SRRM4: variants seen among roughly 807,000 people sequenced by gnomAD.
SRRM4 encodes the protein serine/arginine repetitive matrix protein 4.
A neutral mutation model predicts 68.9 loss-of-function variants in SRRM4; 33 were observed. That is an observed-to-expected ratio of 0.48 (90% CI 0.36 to 0.64). The LOEUF (loss-of-function observed/expected upper bound fraction) is 0.64. Among genes scored for constraint, SRRM4 ranks in the 30% least tolerant of loss-of-function variants. SRRM4 has a pLI of 0.00. For missense variants in SRRM4, 817 were observed against 827.1 expected, an observed-to-expected ratio of 0.99 and a Z score of 0.15; for synonymous variants, 318 against 318.8, an observed-to-expected ratio of 1.00 and a Z score of 0.03.
chr12:119,145,549 G>C lies in SRRM4; in HGVS notation c.940G>C (p.Gly314Arg). 6.2e-7 allele frequency: 1 copy of C among 1,606,828 alleles called. No homozygotes were observed. The highest frequency in any genetic ancestry group is 8.5e-7 in the Non-Finnish European group (1 of 1,176,258). The change falls in exon 9 of 13, where the codon GGG (glycine) becomes CGG (arginine). Residue 314 changes from glycine to arginine, a missense_variant. Coordinates refer to ENST00000267260, the MANE Select transcript of SRRM4 (RefSeq NM_194286.4). ...SRGQEKGSPSGGLSKSRELNS... is the reference protein window; with the variant it reads ...SRGQEKGSPSRGLSKSRELNS... Reference sequence around the variant, plus strand: ...GGGCCAGGAGAAGGGGAGCCCCAGTGGGGGCTTGAGCAAGAGCCGGGAGCT... The same window carrying C: ...GGGCCAGGAGAAGGGGAGCCCCAGTCGGGGCTTGAGCAAGAGCCGGGAGCT...
intron 1 of SRRM4, among the ~76,000 whole-genome samples, chr12:119,063,591 C>T (rs1347557688): frequency 2.0e-5 from 3 of 152,112 alleles, no homozygotes; most frequent in Non-Finnish European, 4.4e-5. Flanking sequence ...CACCATGGTA[C>T]CTAAATTCAA....
intron 1 of SRRM4, among the ~76,000 whole-genome samples, chr12:119,046,859 G>A (rs915023601): frequency 3.3e-5 from 5 of 151,740 alleles, no homozygotes; most frequent in South Asian, 4.2e-4. Flanking sequence ...GTGAAACCCC[G>A]TCTCTACTAA....
intron 1 of SRRM4, among the ~76,000 whole-genome samples, chr12:119,085,131 C>G (rs1229009605): frequency 6.6e-6 from 1 of 152,162 alleles, no homozygotes; most frequent in East Asian, 1.9e-4. Context: ...AAACTCCAGA[C>G]CTCAGGTGGA....
intron 6 of SRRM4, 94 bp downstream of exon 6, chr12:119,122,214 A>AGGGAAAGGG: frequency 1.3e-6 from 1 of 753,752 alleles, no homozygotes; most frequent in Non-Finnish European, 2.2e-6. Flanking sequence ...CCAAATAAAC[A>AGGGAAAGGG]GGGAAAGGGA....
intron 10 of SRRM4, 82 bp from the exon 11 acceptor site, chr12:119,153,457 C>A (rs1954451395): frequency 2.2e-6 from 2 of 909,890 alleles, no homozygotes; most frequent in Admixed American, 4.3e-5. Flanking sequence ...GCCCAGGGAC[C>A]CGCTGAATAA....
At chr12:119,112,092 A>G (rs1301002443) in intron 2 of SRRM4, among the ~76,000 whole-genome samples, 2 of 152,140 alleles carry the variant, frequency 1.3e-5, no homozygotes, top group Admixed American at 1.3e-4. Context: ...CATCCTGTTT[A>G]CACAAGCATC....
intron 2 of SRRM4, among the ~76,000 whole-genome samples, chr12:119,104,848 C>A (rs927676499): frequency 2.0e-5 from 3 of 151,604 alleles, no homozygotes; most frequent in Non-Finnish European, 4.4e-5. Context: ...ACTTCAAGTT[C>A]TAGGGTACAT....
intron 1 of SRRM4, among the ~76,000 whole-genome samples, chr12:119,014,317 A>G (rs1664234790): frequency 6.6e-6 from 1 of 151,972 alleles, no homozygotes; most frequent in African/African-American, 2.4e-5. Context: ...TAGAACAGAC[A>G]AAAAAAATTA....
chr12:119,099,210 C>T (rs942732569), intron 1 of SRRM4, among the ~76,000 whole-genome samples: 4 of 152,152 alleles, frequency 2.6e-5, no homozygotes, highest in Non-Finnish European at 4.4e-5. Context: ...TCTCAGCTCA[C>T]TGCAACCTCT....
At chr12:119,128,905 A>G (rs1463343543) in intron 7 of SRRM4, among the ~76,000 whole-genome samples, 3 of 152,226 alleles carry the variant, frequency 2.0e-5, no homozygotes, top group Admixed American at 6.5e-5. Flanking sequence ...TGGTGTTGGC[A>G]TCTGAGCTCC....
At chr12:119,004,297 A>T (rs1224281938) in intron 1 of SRRM4, among the ~76,000 whole-genome samples, 1 of 151,994 alleles carries the variant, frequency 6.6e-6, no homozygotes, top group Non-Finnish European at 1.5e-5. Flanking sequence ...GGTCACAACC[A>T]TTCTGCTCCT....
At chr12:119,089,010 C>G (rs973918875) in intron 1 of SRRM4, among the ~76,000 whole-genome samples, 2 of 152,190 alleles carry the variant, frequency 1.3e-5, no homozygotes, top group Non-Finnish European at 2.9e-5. Context: ...GGGATCACAG[C>G]TTGAAAATGG....
intron 1 of SRRM4, among the ~76,000 whole-genome samples, chr12:119,093,539 A>C (rs1414838653): frequency 6.6e-6 from 1 of 152,090 alleles, no homozygotes; most frequent in Non-Finnish European, 1.5e-5. Flanking sequence ...TGGCAAGAAA[A>C]CATAATTAGC....
intron 1 of SRRM4, among the ~76,000 whole-genome samples, chr12:118,985,016 G>A (rs1215928865): frequency 2.0e-5 from 3 of 152,214 alleles, no homozygotes; most frequent in Non-Finnish European, 4.4e-5. Context: ...CCTATGTGTG[G>A]TGCATGGTGT....
chr12:118,985,694 C>T (rs940649955), intron 1 of SRRM4, among the ~76,000 whole-genome samples: 3 of 152,148 alleles, frequency 2.0e-5, no homozygotes, highest in African/African-American at 7.2e-5. Context: ...AGTCATTTTG[C>T]CTGGCATTAA....
intron 1 of SRRM4, among the ~76,000 whole-genome samples, chr12:119,011,986 G>A (rs1953452544): frequency 6.6e-6 from 1 of 152,204 alleles, no homozygotes; most frequent in Admixed American, 6.5e-5. Context: ...GGTAACATCT[G>A]CAAGCATTTA....
intron 1 of SRRM4, 136 bp downstream of exon 1, chr12:118,982,149 T>C (rs1039706374): frequency 8.9e-7 from 1 of 1,128,252 alleles, no homozygotes. Context: ...CGGCTCCCGC[T>C]GAAACATGGG....
At chr12:119,009,997 A>G (rs1953438813) in intron 1 of SRRM4, among the ~76,000 whole-genome samples, 1 of 152,198 alleles carries the variant, frequency 6.6e-6, no homozygotes, top group Non-Finnish European at 1.5e-5. Context: ...GTTTACCAAC[A>G]GGAGTGTATT....
chr12:119,082,893 T>G (rs932274409), intron 1 of SRRM4, among the ~76,000 whole-genome samples: 4 of 152,212 alleles, frequency 2.6e-5, no homozygotes, highest in African/African-American at 9.6e-5. Context: ...TTGGGGACTT[T>G]AGCATTCTGC....
Sources: gnomAD v4.1 joint callset for allele counts (sites outside exome capture counted in the v4.1 genomes callset) on GRCh38, gnomAD v4.1.1 for gene constraint, MANE v1.5 for transcripts, NCBI Gene and HGNC (gene_info 2026-07-23, HGNC 2026-07-21) for gene names.